Variants in SLC26A7 observed in about 807,000 individuals in gnomAD.
SLC26A7 encodes the protein solute carrier family 26 member 7.
Under a neutral mutation model 82.5 loss-of-function variants are expected in SLC26A7, and 59 were observed. The ratio of observed to expected loss-of-function variants is 0.72; its 90% CI spans 0.58 to 0.89. The LOEUF is 0.89. SLC26A7 is among the 40% of genes least tolerant of loss of function. The pLI is 0.00. For synonymous variants in SLC26A7, 271 were observed against 274.3 expected, an observed-to-expected ratio of 0.99 and a Z score of 0.12; for missense variants, 820 against 793.0, an observed-to-expected ratio of 1.03 and a Z score of -0.41.
intron 15 of SLC26A7, among the ~76,000 whole-genome samples, chr8:91,388,847 C>A (rs1814874510): frequency 6.6e-6 from 1 of 152,042 alleles, no homozygotes; most frequent in Non-Finnish European, 1.5e-5. Flanking sequence ...GTGGGACAAG[C>A]CCTAGCAATG....
intron 8 of SLC26A7, among the ~76,000 whole-genome samples, chr8:91,341,405 T>C (rs1302680212): frequency 6.6e-6 from 1 of 152,200 alleles, no homozygotes; most frequent in African/African-American, 2.4e-5. Flanking sequence ...TATGTCCTGT[T>C]TCAAGTCCTG....
intron 2 of SLC26A7, among the ~76,000 whole-genome samples, chr8:91,268,194 T>C (rs892478162): frequency 6.6e-6 from 1 of 151,802 alleles, no homozygotes; most frequent in Non-Finnish European, 1.5e-5. Flanking sequence ...TGTTCCATTT[T>C]CTGTTGAGAA....
intron 13 of SLC26A7, among the ~76,000 whole-genome samples, 189 bp downstream of exon 13, chr8:91,363,727 C>T (rs1814113200): frequency 6.6e-6 from 1 of 151,950 alleles, no homozygotes; most frequent in Non-Finnish European, 1.5e-5. Flanking sequence ...ATCAATAGAA[C>T]AAAAGAAAAT....
intron 11 of SLC26A7, among the ~76,000 whole-genome samples, chr8:91,359,615 T>G (rs528463456): frequency 2.0e-5 from 3 of 152,264 alleles, no homozygotes; most frequent in Admixed American, 6.5e-5. Context: ...GACATTGGGT[T>G]TAGCTTGAAA....
rs1808591841 is a variant in SLC26A7, at chr8:91,397,120, G to T, written c.*2023G>T. On this transcript the variant is annotated 3_prime_UTR_variant, in exon 19 of 19. Transcript: ENST00000276609. Reference sequence around the variant, plus strand: ...CAGTGTTTATAGTAGAAGTTTAGTGGATAAAACTTTAAGTCCAATAACTTG... The same window carrying T: ...CAGTGTTTATAGTAGAAGTTTAGTGTATAAAACTTTAAGTCCAATAACTTG... The T allele has an allele frequency of 6.6e-6, 1 of 151,992 alleles. No individual in the cohort carries two copies. The highest frequency in any genetic ancestry group is 1.5e-5 in the Non-Finnish European group (1 of 67,926). The allele number at this position is 151,992 out of a possible 1,614,324, so 9.4% of individuals were successfully genotyped here.
At chr8:91,388,237 TCTC>T (rs1198394652) in intron 15 of SLC26A7, among the ~76,000 whole-genome samples, 1 of 147,050 alleles carries the variant, frequency 6.8e-6, no homozygotes, top group Non-Finnish European at 1.5e-5. Context: ...TTCACGCCGT[TCTC>T]CTGCCTCAGC....
At chr8:91,384,529 T>C (rs1334903067) in intron 15 of SLC26A7, among the ~76,000 whole-genome samples, 1 of 152,138 alleles carries the variant, frequency 6.6e-6, no homozygotes. Flanking sequence ...CGTGCATCCT[T>C]AAGGGGCATT....
In SLC26A7 at chr8:91,369,784, G is replaced by A; in HGVS notation, c.1627-1G>A. On this transcript the variant is annotated splice_acceptor_variant, in intron 14 of 18. Coordinates refer to ENST00000276609, the MANE Select transcript of SLC26A7 (RefSeq NM_052832.4). LOFTEE classifies it high-confidence loss of function. The stretch of plus-strand genomic sequence containing the variant: ...CTTCTTTATGTTTGTTTTTATTTTA[G>A]TGTGAACAAAACACATTGCTTAATT... The A allele has an allele frequency of 7.6e-6, 12 of 1,578,502 alleles. No homozygotes were observed. The highest frequency in any genetic ancestry group is 1.0e-5 in the Non-Finnish European group (12 of 1,163,272).
At chr8:91,280,352 T>G (rs2130750768) in intron 2 of SLC26A7, among the ~76,000 whole-genome samples, 1 of 152,330 alleles carries the variant, frequency 6.6e-6, no homozygotes, top group South Asian at 2.1e-4. Flanking sequence ...TGGCTCAAGT[T>G]TCTCGTATCT....
At chr8:91,257,000 G>A (rs977647750) in intron 2 of SLC26A7, among the ~76,000 whole-genome samples, 5 of 152,046 alleles carry the variant, frequency 3.3e-5, no homozygotes, top group African/African-American at 1.2e-4. Context: ...GGGTGGGACC[G>A]GGGCTGACTC....
intron 16 of SLC26A7, 73 bp downstream of exon 16, chr8:91,389,511 T>C: frequency 1.9e-6 from 2 of 1,045,020 alleles, no homozygotes. Context: ...CCACCTTCTC[T>C]CCATAGTCTT....
chr8:91,290,213 G>C (rs1293438084), intron 3 of SLC26A7, among the ~76,000 whole-genome samples: 1 of 152,108 alleles, frequency 6.6e-6, no homozygotes, highest in African/African-American at 2.4e-5. Flanking sequence ...CATGATCTCA[G>C]CCTCTAAGTA....
intron 9 of SLC26A7, 106 bp downstream of exon 9, chr8:91,343,572 T>G (rs1813479390): frequency 1.4e-6 from 1 of 701,430 alleles, no homozygotes; most frequent in Non-Finnish European, 2.2e-6. Context: ...CTATTTTCAC[T>G]TATTTAATTT....
At chr8:91,324,974 G>T (rs922576454) in intron 5 of SLC26A7, among the ~76,000 whole-genome samples, 1 of 152,170 alleles carries the variant, frequency 6.6e-6, no homozygotes, top group African/African-American at 2.4e-5. Context: ...GACAGAATGG[G>T]TTTGCTTCTA....
At chr8:91,314,451 A>G (rs1352051416) in intron 4 of SLC26A7, among the ~76,000 whole-genome samples, 1 of 152,158 alleles carries the variant, frequency 6.6e-6, no homozygotes, top group Non-Finnish European at 1.5e-5. Context: ...TGAATTAGCT[A>G]TTAAAATTTG....
chr8:91,261,651 G>C (rs78074641), intron 2 of SLC26A7, among the ~76,000 whole-genome samples: 66 of 152,176 alleles, frequency 4.3e-4, no homozygotes, highest in African/African-American at 1.5e-3. Context: ...ATATGATGTA[G>C]AATTTTAAGA....
At chr8:91,390,954 A>G (rs2130907175) in intron 16 of SLC26A7, among the ~76,000 whole-genome samples, 1 of 152,190 alleles carries the variant, frequency 6.6e-6, no homozygotes, top group Admixed American at 6.5e-5. Context: ...TTCTTTGTGG[A>G]GGAGGGGATA....
chr8:91,254,935 A>T (rs950959032), intron 2 of SLC26A7, among the ~76,000 whole-genome samples: 1 of 152,134 alleles, frequency 6.6e-6, no homozygotes, highest in African/African-American at 2.4e-5. Flanking sequence ...AATGACATTG[A>T]CTTAAAACAT....
chr8:91,345,740 T>C (rs1813544925), intron 9 of SLC26A7, among the ~76,000 whole-genome samples: 1 of 152,172 alleles, frequency 6.6e-6, no homozygotes, highest in African/African-American at 2.4e-5. Context: ...AAATAGTATC[T>C]TCGAAGTGTT....
Sources: gnomAD v4.1 joint callset for allele counts (sites outside exome capture counted in the v4.1 genomes callset) on GRCh38, gnomAD v4.1.1 for gene constraint, MANE v1.5 for transcripts, NCBI Gene and HGNC (gene_info 2026-07-23, HGNC 2026-07-21) for gene names.